Variants in SLC39A11 observed in about 807,000 individuals in gnomAD.
SLC39A11 encodes the protein zinc transporter ZIP11.
A neutral mutation model predicts 36.1 loss-of-function variants in SLC39A11; 33 were observed. The observed-to-expected ratio is 0.91, with a 90% CI of 0.69 to 1.22. The LOEUF is 1.22. Ranked by LOEUF, SLC39A11 falls within the 50% of genes most tolerant of loss-of-function variation. SLC39A11 has a pLI of 0.00. For synonymous variants in SLC39A11, 166 were observed against 170.3 expected (o/e 0.97, Z 0.20); for missense variants, 432 against 430.3 (o/e 1.00, Z -0.03).
Position 72,998,423 on chromosome 17 carries a change from G to C in SLC39A11, c.306+33133C>G, listed in dbSNP as rs138779331. On this transcript the variant is annotated intron_variant, in intron 4 of 9. Coordinates refer to ENST00000255559, the MANE Select transcript of SLC39A11 (RefSeq NM_139177.4). Reference sequence around the variant, plus strand: ...TTTATGACTCTCCCAAGTAGACTGAGTCACTGTTATTCAGTGCTCCCAGCC... The same window carrying C: ...TTTATGACTCTCCCAAGTAGACTGACTCACTGTTATTCAGTGCTCCCAGCC... Among the ~76,000 whole-genome samples, 109 of 152,288 alleles carry C rather than the reference G, an allele frequency of 7.2e-4. 1 individual carries two copies. The highest frequency in any genetic ancestry group is 2.4e-3 in the African/African-American group (101 of 41,552).
chr17:72,934,738 C>T (rs2084640402), intron 5 of SLC39A11, among the ~76,000 whole-genome samples: 1 of 152,068 alleles, frequency 6.6e-6, no homozygotes, highest in African/African-American at 2.4e-5. Flanking sequence ...GATTTTGACA[C>T]CAAAGAAGAT....
rs576385960 is a variant in SLC39A11, at chr17:72,858,659, A to G, written c.431-8855T>C. On this transcript the variant is annotated intron_variant, in intron 5 of 9. Transcript: ENST00000255559. ...TGTATCATCTCTGATTTCTTTGAGC[A>G]GTGTTTTGTAATTCTCCTTGTAGAG... is the stretch of plus-strand genomic sequence containing the variant. Among the ~76,000 whole-genome samples the G allele has an allele frequency of 5.3e-5, 8 of 152,272 alleles. No individual in the cohort carries two copies. In the East Asian group the frequency reaches 1.5e-3, roughly 29 times the overall value.
chr17:72,934,946 C>T (rs1470184241), intron 5 of SLC39A11, among the ~76,000 whole-genome samples: 6 of 152,296 alleles, frequency 3.9e-5, no homozygotes, highest in African/African-American at 1.2e-4. Context: ...GACTGAAGAA[C>T]GGCTTATCCG....
chr17:72,911,111 T>C (rs566975819), intron 5 of SLC39A11, among the ~76,000 whole-genome samples: 1 of 152,058 alleles, frequency 6.6e-6, no homozygotes, highest in Non-Finnish European at 1.5e-5. Context: ...CCTTTATAAA[T>C]AGACCTTCCC....
chr17:72,743,226 C>A (rs1441656742), intron 6 of SLC39A11, among the ~76,000 whole-genome samples: 1 of 149,960 alleles, frequency 6.7e-6, no homozygotes, highest in Non-Finnish European at 1.5e-5. Flanking sequence ...AAACCGCAGT[C>A]TCTCATTGTT....
chr17:72,781,769 A>C (rs1487803214), intron 6 of SLC39A11, among the ~76,000 whole-genome samples: 1 of 152,074 alleles, frequency 6.6e-6, no homozygotes, highest in Non-Finnish European at 1.5e-5. Context: ...AGGGCAGAGG[A>C]ATGGCTATTA....
intron 5 of SLC39A11, among the ~76,000 whole-genome samples, chr17:72,904,216 T>A (rs1399145361): frequency 6.6e-6 from 1 of 151,994 alleles, no homozygotes; most frequent in East Asian, 1.9e-4. Flanking sequence ...GAGGAACATG[T>A]GAGTTCGAGA....
intron 3 of SLC39A11, among the ~76,000 whole-genome samples, chr17:73,054,749 A>G (rs937414377): frequency 1.3e-5 from 2 of 150,220 alleles, no homozygotes; most frequent in African/African-American, 4.9e-5. Context: ...CACAGGTTGC[A>G]GTGAGCCAAG....
At chr17:72,786,350 T>G (rs1454018490) in intron 6 of SLC39A11, among the ~76,000 whole-genome samples, 2 of 152,232 alleles carry the variant, frequency 1.3e-5, no homozygotes, top group Admixed American at 1.3e-4. Context: ...CCACAGCCTA[T>G]GCCAACAAAA....
chr17:72,759,084 G>A (rs892440045), intron 6 of SLC39A11, among the ~76,000 whole-genome samples: 8 of 138,360 alleles, frequency 5.8e-5, no homozygotes, highest in African/African-American at 1.6e-4. Context: ...CTGGGCAACA[G>A]AGTGAGATTT....
chr17:72,756,293 A>C (rs139450495), intron 6 of SLC39A11, among the ~76,000 whole-genome samples: 5 of 152,338 alleles, frequency 3.3e-5, no homozygotes, highest in African/African-American at 1.2e-4. Context: ...ACATCCGTCA[A>C]AGCACTGAAA....
intron 3 of SLC39A11, chr17:73,067,962 G>A: frequency 1.3e-6 from 2 of 1,595,860 alleles, no homozygotes; most frequent in South Asian, 2.2e-5. Context: ...TCTGGGGAAG[G>A]AGCAAAGGAC....
At chr17:72,972,970 G>A (rs1051470788) in intron 4 of SLC39A11, among the ~76,000 whole-genome samples, 1 of 151,792 alleles carries the variant, frequency 6.6e-6, no homozygotes, top group Non-Finnish European at 1.5e-5. Context: ...GTGGGTTGCT[G>A]GACACCATGA....
At chr17:72,785,677 G>A (rs1467777996) in intron 6 of SLC39A11, among the ~76,000 whole-genome samples, 1 of 152,180 alleles carries the variant, frequency 6.6e-6, no homozygotes, top group Non-Finnish European at 1.5e-5. Flanking sequence ...GCTTCAAATG[G>A]CCACCACCGG....
chr17:72,942,064 AT>A (rs201627639), intron 5 of SLC39A11, among the ~76,000 whole-genome samples: 9 of 148,710 alleles, frequency 6.1e-5, no homozygotes, highest in African/African-American at 1.7e-4. Flanking sequence ...TATTATTATT[AT>A]TTTTTTTTTA....
At chr17:73,004,140 G>GAAGA (rs1229461006) in intron 4 of SLC39A11, among the ~76,000 whole-genome samples, 14 of 105,344 alleles carry the variant, frequency 1.3e-4, no homozygotes, top group Admixed American at 1.1e-3. Context: ...GGAAAGAAAG[G>GAAGA]AAGAAAGAAA....
intron 3 of SLC39A11, among the ~76,000 whole-genome samples, chr17:73,042,371 C>G: frequency 6.6e-6 from 1 of 152,178 alleles, no homozygotes; most frequent in South Asian, 2.1e-4. Flanking sequence ...AAGAACAGCA[C>G]CCAACTCAGT....
intron 3 of SLC39A11, among the ~76,000 whole-genome samples, chr17:73,084,309 T>A (rs111787224): frequency 2.2e-4 from 33 of 151,960 alleles, no homozygotes; most frequent in African/African-American, 7.5e-4. Flanking sequence ...CGTTGGCACA[T>A]GCCTGTAGTC....
intron 4 of SLC39A11, among the ~76,000 whole-genome samples, chr17:72,967,798 C>T (rs570792222): frequency 2.6e-5 from 4 of 152,194 alleles, no homozygotes; most frequent in Admixed American, 6.5e-5. Context: ...TGTTGAGAGC[C>T]GCTGGAGAGC....
Sources: allele counts gnomAD v4.1 joint callset (sites outside exome capture counted in the v4.1 genomes callset), GRCh38; gene constraint gnomAD v4.1.1; transcripts MANE v1.5; gene names NCBI Gene and HGNC (gene_info 2026-07-23, HGNC 2026-07-21).